SFMBT1: variants seen among roughly 807,000 people sequenced by gnomAD.
SFMBT1 encodes the protein Scm like with four mbt domains 1.
SFMBT1 carries 32 observed loss-of-function variants against 108.7 expected under a neutral mutation model. The observed-to-expected ratio is 0.29, with a 90% confidence interval of 0.22 to 0.40. The LOEUF (loss-of-function observed/expected upper bound fraction) is 0.40, where lower values mean the gene tolerates loss of function less well. Among genes scored for constraint, SFMBT1 ranks in the 10% least tolerant of loss-of-function variants. The pLI is 1.00. For missense variants in SFMBT1, 816 were observed against 1,059.6 expected, an observed-to-expected ratio of 0.77 and a Z score of 3.19; for synonymous variants, 348 against 369.5, an observed-to-expected ratio of 0.94 and a Z score of 0.67.
At position 52,932,173 on chromosome 3, in the gene SFMBT1, C is replaced by T; in HGVS notation, c.589G>A (p.Glu197Lys). The change falls in exon 6 of 21, where the codon GAA (glutamate) becomes AAA (lysine). Residue 197 changes from glutamate (E) to lysine (K), a missense_variant. By Grantham distance (56) the Glu-to-Lys change is moderately conservative (BLOSUM62 1). Transcript: ENST00000394752. ...NIGGRLKLRY[E>K]GLESSDNYEH... ...TAATTGTCAGAACTTTCAAGTCCTT[C>T]ATAACGTAGCTTCAGCCTTCCTCCA... The T allele has an allele frequency of 2.5e-6, 4 of 1,614,144 alleles. No homozygotes were observed. Among genetic ancestry groups the T allele is most frequent in the Non-Finnish European group, 3.4e-6 (4 of 1,180,022 alleles).
chr3:52,929,455 T>C (rs1039463110), intron 8 of SFMBT1, among the ~76,000 whole-genome samples: 1 of 152,184 alleles, frequency 6.6e-6, no homozygotes, highest in Non-Finnish European at 1.5e-5. Flanking sequence ...GTCAGGCTGG[T>C]CTTGAACTCC....
At chr3:53,009,895 A>T (rs1373703996) in intron 1 of SFMBT1, among the ~76,000 whole-genome samples, 13 of 152,248 alleles carry the variant, frequency 8.5e-5, no homozygotes, top group Admixed American at 8.5e-4. Context: ...AAAGGTTTTC[A>T]TCCTCACGGT....
intron 8 of SFMBT1, 141 bp from the exon 9 acceptor site, chr3:52,928,482 AT>A: frequency 1.3e-6 from 1 of 788,004 alleles, no homozygotes; most frequent in South Asian, 1.9e-5. Context: ...GCTCTGTGTT[AT>A]GTAATACATA....
At chr3:53,036,813 T>A (rs1378524506) in intron 1 of SFMBT1, among the ~76,000 whole-genome samples, 2 of 152,106 alleles carry the variant, frequency 1.3e-5, no homozygotes, top group African/African-American at 2.4e-5. Context: ...GTAGTCTATA[T>A]CCAGGAGCAG....
chr3:52,942,301 C>T (rs964450581), intron 4 of SFMBT1, among the ~76,000 whole-genome samples: 3 of 152,116 alleles, frequency 2.0e-5, no homozygotes, highest in African/African-American at 7.2e-5. Context: ...AAAAGGGCAT[C>T]ATGTCTAAAA....
Position 52,920,515 on chromosome 3 carries a change from TAACCCAG to T in SFMBT1, c.1372+15_1372+21del, listed in dbSNP as rs142558329. The T allele has an allele frequency of 6.1e-3, 9,522 of 1,566,080 alleles. 531 individuals are homozygous for T. The African/African-American group carries it at 0.11, about 18-fold the overall frequency. Reference sequence around the variant, plus strand: ...GAAGATTATTTAACAATCAATCCTCTAACCCAGAAATAGACAGATACCTCGTGCTCGG... The same window carrying T: ...GAAGATTATTTAACAATCAATCCTCTAAATAGACAGATACCTCGTGCTCGG... On this transcript the variant is annotated intron_variant, in intron 12 of 20. Transcript: ENST00000394752.
chr3:53,040,449 C>G (rs1700001772), intron 1 of SFMBT1, among the ~76,000 whole-genome samples: 1 of 152,110 alleles, frequency 6.6e-6, no homozygotes, highest in Non-Finnish European at 1.5e-5. Context: ...AACCACCTTC[C>G]AACTCTCATC....
chr3:53,032,194 A>G (rs367577998), intron 1 of SFMBT1, among the ~76,000 whole-genome samples: 29 of 152,240 alleles, frequency 1.9e-4, no homozygotes, highest in African/African-American at 7.0e-4. Flanking sequence ...ACATGGCAAA[A>G]CCCTATCTCT....
chr3:52,980,900 C>T (rs1348024450), intron 1 of SFMBT1, among the ~76,000 whole-genome samples: 4 of 152,158 alleles, frequency 2.6e-5, no homozygotes, highest in Admixed American at 6.6e-5. Context: ...CGGTAGCTCA[C>T]GCCTGTAATC....
At chr3:53,009,767 G>C (rs183803840) in intron 1 of SFMBT1, among the ~76,000 whole-genome samples, 67 of 152,254 alleles carry the variant, frequency 4.4e-4, no homozygotes, top group African/African-American at 1.4e-3. Flanking sequence ...AACATGTTTT[G>C]TATATGTATT....
Position 52,907,230 on chromosome 3 carries a change from C to T in SFMBT1, c.2170G>A (p.Glu724Lys). 6.2e-7 allele frequency: 1 copy of T among 1,614,114 alleles called. No homozygotes were observed. Among genetic ancestry groups the T allele is most frequent in the Non-Finnish European group, 8.5e-7 (1 of 1,180,024 alleles). Residue 724 changes from glutamate (E) to lysine (K), a missense_variant, in exon 19 of 21, where the codon GAG (glutamate) becomes AAG (lysine). This residue lies in a region of SFMBT1 where 177 missense variants were observed against 182.0 expected (regional missense o/e 0.97). Coordinates refer to ENST00000394752, the MANE Select transcript of SFMBT1 (RefSeq NM_016329.4). ...GACATTTCTGATTCTTCCTGTAGCT[C>T]ATCCTGCTGCTCGGATGTACTGCCT... ...SEGSTSEQQD[E>K]LQEESEMSEK...
chr3:52,936,114 G>A (rs1283055619), intron 4 of SFMBT1, among the ~76,000 whole-genome samples: 1 of 152,166 alleles, frequency 6.6e-6, no homozygotes, highest in Non-Finnish European at 1.5e-5. Flanking sequence ...CATATGGTCT[G>A]GCTGTCTCTC....
chr3:53,008,515 T>C (rs1453766306), intron 1 of SFMBT1, among the ~76,000 whole-genome samples: 2 of 152,096 alleles, frequency 1.3e-5, no homozygotes, highest in African/African-American at 4.8e-5. Context: ...ATTTGGTCAC[T>C]AGGGAAGTAG....
intron 2 of SFMBT1, among the ~76,000 whole-genome samples, chr3:52,955,367 C>T (rs62253608): frequency 0.27 from 40,831 of 151,580 alleles, 6,051 homozygotes; most frequent in Middle Eastern, 0.41. Flanking sequence ...GAGCCGAGAT[C>T]GTGCCAGTGC....
At chr3:52,968,007 T>C (rs752144468) in intron 2 of SFMBT1, among the ~76,000 whole-genome samples, 8 of 152,190 alleles carry the variant, frequency 5.3e-5, no homozygotes, top group Non-Finnish European at 1.0e-4. Context: ...TAATAGCAAC[T>C]TATGTGTTGG....
chr3:53,009,370 C>T (rs1698865718), intron 1 of SFMBT1, among the ~76,000 whole-genome samples: 1 of 152,086 alleles, frequency 6.6e-6, no homozygotes, highest in African/African-American at 2.4e-5. Context: ...ATTGCTTGAA[C>T]CCGGGAGGCA....
intron 14 of SFMBT1, among the ~76,000 whole-genome samples, chr3:52,915,723 C>T (rs1220286729): frequency 6.6e-6 from 1 of 152,170 alleles, no homozygotes; most frequent in African/African-American, 2.4e-5. Flanking sequence ...TTTCTTTTTC[C>T]ATTGCTTTAT....
intron 4 of SFMBT1, among the ~76,000 whole-genome samples, chr3:52,941,785 C>A (rs923200307): frequency 6.6e-6 from 1 of 151,782 alleles, no homozygotes; most frequent in Admixed American, 6.6e-5. Flanking sequence ...GTAGACCCAG[C>A]TACTTGGCAG....
chr3:52,939,867 C>G (rs1445575855), intron 4 of SFMBT1, among the ~76,000 whole-genome samples: 3 of 151,842 alleles, frequency 2.0e-5, no homozygotes, highest in African/African-American at 7.3e-5. Context: ...CCAGTTCTTG[C>G]CTAAGTTTTA....
Sources: allele counts gnomAD v4.1 joint callset (sites outside exome capture counted in the v4.1 genomes callset), GRCh38; gene constraint gnomAD v4.1.1; regional missense constraint gnomAD v4.1.1; transcripts MANE v1.5; gene names NCBI Gene and HGNC (gene_info 2026-07-23, HGNC 2026-07-21).